GRIP1: variants seen among roughly 807,000 people sequenced by gnomAD.
GRIP1 encodes glutamate receptor-interacting protein 1.
A neutral mutation model predicts 129.9 loss-of-function variants in GRIP1; 45 were observed. The ratio of observed to expected loss-of-function variants is 0.35; its 90% CI spans 0.27 to 0.44. The LOEUF is 0.44. Among genes scored for constraint, GRIP1 ranks in the 20% least tolerant of loss-of-function variants. The probability of loss-of-function intolerance (pLI) is 1.00; values close to 1 mark genes in which losing one functional copy is unlikely to be tolerated. For synonymous variants in GRIP1, 530 were observed against 520.8 expected, an observed-to-expected ratio of 1.02 and a Z score of -0.24; for missense variants, 1,196 against 1,396.8, an observed-to-expected ratio of 0.86 and a Z score of 2.29.
At chr12:66,455,588 A>C in intron 10 of GRIP1, 24 bp from the exon 11 acceptor site, 1 of 1,611,226 alleles carries the variant, frequency 6.2e-7, no homozygotes, top group African/African-American at 1.3e-5. Context: ...AAGACGTTGC[A>C]CAGAGCACTC....
Position 66,904,608 on chromosome 12 carries a change from T to C in GRIP1, c.58+164442A>G, listed in dbSNP as rs934618162. Reference sequence around the variant, plus strand: ...TAGGAAGCTTGTTAAAATGTTCAGATTGGGCTGGGAGCAGTGGCTCACGCC... The same window carrying C: ...TAGGAAGCTTGTTAAAATGTTCAGACTGGGCTGGGAGCAGTGGCTCACGCC... On this transcript the variant is annotated intron_variant, in intron 1 of 1. Transcript: ENST00000643019. Among the ~76,000 whole-genome samples the C allele has an allele frequency of 2.0e-5, 3 of 152,206 alleles. No homozygotes were observed. In the East Asian group the frequency reaches 5.8e-4, roughly 29 times the overall value.
intron 7 of GRIP1, among the ~76,000 whole-genome samples, chr12:66,468,768 C>T (rs1023551992): frequency 3.3e-5 from 5 of 149,456 alleles, no homozygotes; most frequent in African/African-American, 5.0e-5. Flanking sequence ...GAAGAATTAA[C>T]ATGAAATTGT....
chr12:66,752,804 T>C (rs987246035), intron 1 of GRIP1, among the ~76,000 whole-genome samples: 11 of 152,184 alleles, frequency 7.2e-5, no homozygotes, highest in African/African-American at 2.7e-4. Flanking sequence ...AGCATTAATG[T>C]GACCCTTGAC....
chr12:66,501,024 T>C (rs890922063), intron 7 of GRIP1, among the ~76,000 whole-genome samples: 1 of 152,182 alleles, frequency 6.6e-6, no homozygotes, highest in African/African-American at 2.4e-5. Flanking sequence ...TCAGGGCAGT[T>C]TCTATCACGG....
In GRIP1 at chr12:66,992,041, A is replaced by G. The variant is rs1041422073; in HGVS notation, c.58+77009T>C. Among the ~76,000 whole-genome samples, 10 of 152,348 alleles carry G rather than the reference A, an allele frequency of 6.6e-5. No homozygotes were observed. The South Asian group carries it at 1.2e-3, about 19-fold the overall frequency. On this transcript the variant is annotated intron_variant, in intron 1 of 1. Transcript: ENST00000643019. ...TACTCTTACAATCTTCACATTTCCA[A>G]GAATGTTCTGGGTATGTTTCCTTAA... is the stretch of plus-strand genomic sequence containing the variant.
intron 1 of GRIP1, among the ~76,000 whole-genome samples, chr12:66,930,309 A>C: frequency 8.0e-6 from 1 of 125,312 alleles, no homozygotes; most frequent in Non-Finnish European, 1.6e-5. Flanking sequence ...TCCTGTGTCC[A>C]TGTGTTCTCA....
In GRIP1 at chr12:66,637,102, T is replaced by C. The variant is rs1280980767; in HGVS notation, c.56-40175A>G. 3.9e-5 allele frequency among the ~76,000 whole-genome samples: 6 copies of C among 152,230 alleles called. No individual in the cohort carries two copies. The East Asian group carries it at 1.2e-3, about 29-fold the overall frequency. On this transcript the variant is annotated intron_variant, in intron 1 of 24. Coordinates refer to ENST00000359742, the MANE Select transcript of GRIP1 (RefSeq NM_001366722.1). ...GGTGTGCATTCCAGGGAACCTAGCG[T>C]GTGTGTAACATAAGACAAGTAGAGG...
chr12:66,578,525 G>T (rs1245402104), intron 2 of GRIP1, among the ~76,000 whole-genome samples: 1 of 152,126 alleles, frequency 6.6e-6, no homozygotes, highest in East Asian at 1.9e-4. Flanking sequence ...GTGACAGAGG[G>T]CACCTGGAAA....
chr12:66,999,844 GATC>G (rs2042524487), intron 1 of GRIP1, among the ~76,000 whole-genome samples: 1 of 152,070 alleles, frequency 6.6e-6, no homozygotes, highest in Admixed American at 6.6e-5. Context: ...TTTGGTAACA[GATC>G]ATCACACCTG....
intron 1 of GRIP1, among the ~76,000 whole-genome samples, chr12:66,915,129 A>T (rs1357826738): frequency 6.6e-6 from 1 of 152,268 alleles, no homozygotes; most frequent in Non-Finnish European, 1.5e-5. Context: ...CATATTGGAC[A>T]GAAAGTCCAA....
At chr12:66,814,793 G>A (rs916659472) in intron 1 of GRIP1, among the ~76,000 whole-genome samples, 4 of 151,302 alleles carry the variant, frequency 2.6e-5, no homozygotes, top group Non-Finnish European at 4.4e-5. Flanking sequence ...GTTCTGCATC[G>A]CTGAGGAGGC....
chr12:66,957,180 G>C (rs921437723), intron 1 of GRIP1, among the ~76,000 whole-genome samples: 5 of 152,000 alleles, frequency 3.3e-5, no homozygotes, highest in African/African-American at 1.2e-4. Context: ...CTAAAAAGAG[G>C]ATATCAATAC....
chr12:66,385,464 A>G (rs1342440353), intron 19 of GRIP1, among the ~76,000 whole-genome samples: 2 of 152,168 alleles, frequency 1.3e-5, no homozygotes, highest in African/African-American at 2.4e-5. Context: ...TGAACCTGGG[A>G]GGCAGAGGTT....
rs551841338 is a variant in GRIP1 at position 66,771,884 on chromosome 12, G to C, written c.-420+32169C>G. 3.9e-5 allele frequency among the ~76,000 whole-genome samples: 6 copies of C among 152,244 alleles called. No individual in the cohort carries two copies. In the East Asian group the frequency reaches 1.2e-3, roughly 29 times the overall value. On this transcript the variant is annotated intron_variant, in intron 1 of 4. Coordinates refer to the GRIP1 transcript ENST00000538373. Reference sequence around the variant, plus strand: ...TGTGGAGGCTCACTGCAAGTGCCACGGTCTATAGAAAAGTTTTCAACATAT... The same window carrying C: ...TGTGGAGGCTCACTGCAAGTGCCACCGTCTATAGAAAAGTTTTCAACATAT...
intron 1 of GRIP1, among the ~76,000 whole-genome samples, chr12:67,056,969 C>G (rs1461708551): frequency 6.6e-6 from 1 of 152,064 alleles, no homozygotes; most frequent in African/African-American, 2.4e-5. Context: ...CAACACCACG[C>G]CTGGCTAATT....
At chr12:66,755,903 C>G (rs953805985) in intron 1 of GRIP1, among the ~76,000 whole-genome samples, 3 of 152,154 alleles carry the variant, frequency 2.0e-5, no homozygotes, top group Admixed American at 2.0e-4. Flanking sequence ...TTCCATGTGG[C>G]AAGTGGGTGC....
intron 2 of GRIP1, among the ~76,000 whole-genome samples, chr12:66,586,057 A>G (rs908874816): frequency 6.6e-6 from 1 of 152,146 alleles, no homozygotes; most frequent in Non-Finnish European, 1.5e-5. Context: ...AGTTCTCCAT[A>G]GACCACATGC....
At chr12:66,388,268 A>C (rs1268776707) in intron 19 of GRIP1, among the ~76,000 whole-genome samples, 2 of 151,528 alleles carry the variant, frequency 1.3e-5, no homozygotes, top group Non-Finnish European at 2.9e-5. Flanking sequence ...AAAAAATTAA[A>C]AAAGAGATTA....
intron 1 of GRIP1, among the ~76,000 whole-genome samples, chr12:66,963,783 C>A (rs2041957021): frequency 6.6e-6 from 1 of 152,110 alleles, no homozygotes; most frequent in Non-Finnish European, 1.5e-5. Context: ...AGACAGCCCC[C>A]TCTCAGTCAC....
Sources: allele counts gnomAD v4.1 joint callset (sites outside exome capture counted in the v4.1 genomes callset), GRCh38; gene constraint gnomAD v4.1.1; transcripts MANE v1.5; gene names NCBI Gene and HGNC (gene_info 2026-07-23, HGNC 2026-07-21).